INO80: variants seen among roughly 807,000 people sequenced by gnomAD.
The protein encoded by INO80 is chromatin-remodeling ATPase INO80.
Under a neutral mutation model 203.4 loss-of-function variants are expected in INO80, and 20 were observed. That is an observed-to-expected ratio of 0.10 (90% CI 0.07 to 0.14). INO80 has a LOEUF of 0.14. Ranked by LOEUF, INO80 falls within the 10% of genes least tolerant of loss-of-function variation. The pLI, the probability that INO80 is intolerant of heterozygous loss-of-function variation, is 1.00. For synonymous variants in INO80, 726 were observed against 685.2 expected, an observed-to-expected ratio of 1.06 and a Z score of -0.93; for missense variants, 1,419 against 1,914.4, an observed-to-expected ratio of 0.74 and a Z score of 4.83.
intron 24 of INO80, among the ~76,000 whole-genome samples, chr15:41,041,432 T>C (rs1471439315): frequency 7.6e-6 from 1 of 131,504 alleles, no homozygotes. Flanking sequence ...CTTCTAGTTC[T>C]TTTTTTTTTT....
Position 41,047,376 on chromosome 15 carries a change from G to T in INO80, c.2735+32C>A, listed in dbSNP as rs373895988. On this transcript the variant is annotated intron_variant, in intron 23 of 35. Transcript: ENST00000648947. ...TATCTATCCCATTTATTCCTAACTG[G>T]CCTCTTATCAAGCAATAAGCAAACC... The T allele has an allele frequency of 1.3e-5, 18 of 1,357,832 alleles. No individual in the cohort carries two copies. The African/African-American group carries it at 2.4e-4, about 18-fold the overall frequency. 84.1% of individuals were successfully genotyped at this position (1,357,832 alleles called of 1,614,324 possible).
intron 5 of INO80, among the ~76,000 whole-genome samples, chr15:41,089,528 G>T (rs2045604779): frequency 1.3e-5 from 2 of 152,220 alleles, no homozygotes; most frequent in South Asian, 4.2e-4. Flanking sequence ...GAGGCGGGTG[G>T]ATCACCTGAG....
At chr15:40,983,273 AAACATCCT>A in intron 34 of INO80, 196 bp from the exon 35 acceptor site, 1 of 575,924 alleles carries the variant, frequency 1.7e-6, no homozygotes, top group Non-Finnish European at 3.1e-6. Flanking sequence ...TAAACAATGA[AAACATCCT>A]AACTCCTCAA....
chr15:41,008,937 G>A (rs188513029), intron 27 of INO80, among the ~76,000 whole-genome samples: 2 of 152,268 alleles, frequency 1.3e-5, no homozygotes, highest in South Asian at 2.1e-4. Flanking sequence ...GGGTTCAAGC[G>A]ATTCTCCTGC....
At chr15:41,112,546 T>A (rs1013018914) in intron 1 of INO80, among the ~76,000 whole-genome samples, 5 of 152,032 alleles carry the variant, frequency 3.3e-5, no homozygotes, top group African/African-American at 1.2e-4. Context: ...CCCAGCACTT[T>A]GGGATGCCAA....
intron 12 of INO80, among the ~76,000 whole-genome samples, chr15:41,071,448 CTTTTTTT>C (rs747609865): frequency 1.1e-5 from 1 of 87,062 alleles, no homozygotes; most frequent in Non-Finnish European, 2.2e-5. Flanking sequence ...TACTCATTTC[CTTTTTTT>C]TTTTTTTTTT....
At position 41,071,969 on chromosome 15, in the gene INO80, A is replaced by G. The variant is rs201879672; in HGVS notation, c.1485T>C (p.Tyr495=). The change falls in exon 12 of 36, where the codon TAT becomes TAC. Residue 495 remains tyrosine (Y), a synonymous_variant. Coordinates refer to ENST00000648947, the MANE Select transcript of INO80 (RefSeq NM_017553.3). ...CCCGGATAGATGGGTTAGCCAGGCT[A>G]TAACTCTCCCCAAACCCAGTGCCAG... ...NKSGTGFGES[Y]SLANPSIRAG... 4.6e-5 allele frequency: 75 copies of G among 1,613,754 alleles called. No individual in the cohort carries two copies. Among genetic ancestry groups the G allele is most frequent in the Non-Finnish European group, 8.5e-6 (10 of 1,179,912 alleles).
rs1308577758 is a variant in INO80 at position 41,031,591 on chromosome 15, G to A, written c.2908-3855C>T. ...GGAGGAAGGGAGGAAGGGAGGAAGG[G>A]AGGGAGGGAGGGAGGAAGGGAGGAG... On this transcript the variant is annotated intron_variant, in intron 24 of 35. Transcript: ENST00000648947. Among the ~76,000 whole-genome samples, 10 of 4,682 alleles carry A rather than the reference G, an allele frequency of 2.1e-3. 1 individual carries two copies. The highest frequency in any genetic ancestry group is 0.012 in the South Asian group (2 of 166). 3.1% of individuals were successfully genotyped at this position (4,682 alleles called of 152,430 possible).
intron 17 of INO80, 111 bp downstream of exon 17, chr15:41,056,511 T>G (rs976943098): frequency 2.5e-6 from 2 of 798,254 alleles, no homozygotes; most frequent in African/African-American, 3.5e-5. Context: ...GTGGGGACTA[T>G]AATTTATACA....
rs553545182 is a variant in INO80, at chr15:41,113,600, A to G, written c.-44+2373T>C. On this transcript the variant is annotated intron_variant, in intron 1 of 35. Transcript: ENST00000648947. Reference sequence around the variant, plus strand: ...TTTCATTAAGTGAACCTCTAACACCACAGCTTATAATTAGTTTTGTTTTGT... The same window carrying G: ...TTTCATTAAGTGAACCTCTAACACCGCAGCTTATAATTAGTTTTGTTTTGT... 2.6e-5 allele frequency among the ~76,000 whole-genome samples: 4 copies of G among 152,114 alleles called. No individual in the cohort carries two copies. The East Asian group carries it at 7.8e-4, about 30-fold the overall frequency.
chr15:41,013,104 C>CAACAACAACAACA lies in INO80; in HGVS notation c.3402+2983_3402+2984insTGTTGTTGTTGTT, dbSNP rs369088968. 308 of 150,626 alleles carry CAACAACAACAACA rather than the reference C, an allele frequency of 2.0e-3. 2 individuals are homozygous for CAACAACAACAACA. The highest frequency in any genetic ancestry group is 6.9e-3 in the Middle Eastern group (2 of 290). The allele number at this position is 150,626 out of a possible 1,614,324, so 9.3% of individuals were successfully genotyped here. ...CAACAACAACAACAACAACAACAAC[C>CAACAACAACAACA]ACCACAACAAAAACCCAAAAAGGCT... On this transcript the variant is annotated intron_variant, in intron 27 of 35. Coordinates refer to ENST00000648947, the MANE Select transcript of INO80 (RefSeq NM_017553.3).
intron 1 of INO80, among the ~76,000 whole-genome samples, chr15:41,096,867 G>C (rs1596325413): frequency 6.6e-6 from 1 of 152,164 alleles, no homozygotes; most frequent in Non-Finnish European, 1.5e-5. Flanking sequence ...TATTGGCAGA[G>C]TATTTTACTA....
chr15:41,069,459 C>CA (rs908661416), intron 14 of INO80, 111 bp downstream of exon 14: 2 of 602,614 alleles, frequency 3.3e-6, no homozygotes, highest in Non-Finnish European at 5.6e-6. Flanking sequence ...TGTGAGCCCC[C>CA]AAGTCCGGCC....
intron 35 of INO80, among the ~76,000 whole-genome samples, chr15:40,981,201 T>C (rs1893815438): frequency 6.6e-6 from 1 of 152,250 alleles, no homozygotes; most frequent in Non-Finnish European, 1.5e-5. Context: ...GGGTACTCTC[T>C]GAACCACTCC....
chr15:41,069,792 C>T (rs1449482341), intron 13 of INO80, 127 bp from the exon 14 acceptor site: 2 of 600,702 alleles, frequency 3.3e-6, no homozygotes, highest in Admixed American at 6.3e-5. Flanking sequence ...GAGTAAATCC[C>T]AAATCTGCAC....
chr15:41,030,235 G>A (rs2044438507), intron 24 of INO80, among the ~76,000 whole-genome samples: 1 of 152,150 alleles, frequency 6.6e-6, no homozygotes, highest in South Asian at 2.1e-4. Flanking sequence ...TTATTACTAA[G>A]AAAAGAATAC....
At chr15:41,067,491 A>G (rs2045241506) in intron 14 of INO80, among the ~76,000 whole-genome samples, 1 of 152,232 alleles carries the variant, frequency 6.6e-6, no homozygotes, top group Non-Finnish European at 1.5e-5. Context: ...AAGAGAAAAT[A>G]GTCAACAAAC....
intron 24 of INO80, among the ~76,000 whole-genome samples, chr15:41,039,374 G>A (rs2044633784): frequency 6.6e-6 from 1 of 152,204 alleles, no homozygotes; most frequent in South Asian, 2.1e-4. Context: ...AGTTAATTGT[G>A]TAGTATTTAA....
chr15:41,069,523 A>G lies in INO80; in HGVS notation c.1782+47T>C, dbSNP rs184778436. The G allele has an allele frequency of 3.5e-3, 4,030 of 1,167,168 alleles. 25 individuals are homozygous for G. The highest frequency in any genetic ancestry group is 0.012 in the South Asian group (895 of 74,300). 72.3% of individuals were successfully genotyped at this position (1,167,168 alleles called of 1,614,324 possible). On this transcript the variant is annotated intron_variant, in intron 14 of 35. Transcript: ENST00000648947. ...TAGGGCAAGAAAAGGAGAGTCAAAAAGTTTATTTTAAAGAGCAATAGATGT... is the reference window on the plus strand; with the variant it reads ...TAGGGCAAGAAAAGGAGAGTCAAAAGGTTTATTTTAAAGAGCAATAGATGT...
Sources: allele counts gnomAD v4.1 joint callset (sites outside exome capture counted in the v4.1 genomes callset), GRCh38; gene constraint gnomAD v4.1.1; transcripts MANE v1.5; gene names NCBI Gene and HGNC (gene_info 2026-07-23, HGNC 2026-07-21).